The following SOX5 variants were observed in gnomAD, a reference collection of about 807,000 sequenced individuals.
SOX5 encodes the protein transcription factor SOX-5.
SOX5 carries 9 observed loss-of-function variants against 92.0 expected under a neutral mutation model. That is an observed-to-expected ratio of 0.10 (90% CI 0.06 to 0.17). SOX5 has a LOEUF of 0.17. SOX5 is among the 10% of genes least tolerant of loss of function. The probability of loss-of-function intolerance (pLI) is 1.00; values close to 1 mark genes in which losing one functional copy is unlikely to be tolerated. For missense variants in SOX5, 642 were observed against 944.5 expected (o/e 0.68, Z 4.20); for synonymous variants, 344 against 336.3 (o/e 1.02, Z -0.25).
rs114083434 is a variant in SOX5, at chr12:23,758,447, T to C, written c.482-2723A>G. On this transcript the variant is annotated intron_variant, in intron 3 of 14. Coordinates refer to ENST00000451604, the MANE Select transcript of SOX5 (RefSeq NM_006940.6). Reference sequence around the variant, plus strand: ...CTTATCAACAACAAAATGATAATAATAGCTACTATTTAGAGGGCTAAGGGC... The same window carrying C: ...CTTATCAACAACAAAATGATAATAACAGCTACTATTTAGAGGGCTAAGGGC... Among the ~76,000 whole-genome samples, 946 of 151,684 alleles carry C rather than the reference T, an allele frequency of 6.2e-3. 9 individuals carry two copies. The highest frequency in any genetic ancestry group is 0.021 in the African/African-American group (886 of 41,398).
At chr12:24,363,208 T>C (rs1955793223) in intron 2 of SOX5, among the ~76,000 whole-genome samples, 1 of 152,104 alleles carries the variant, frequency 6.6e-6, no homozygotes, top group Non-Finnish European at 1.5e-5. Context: ...CTTTTTCCCC[T>C]TTTCTCTCTC....
intron 3 of SOX5, among the ~76,000 whole-genome samples, chr12:23,843,345 T>C (rs2096539475): frequency 6.6e-6 from 1 of 152,152 alleles, no homozygotes; most frequent in South Asian, 2.1e-4. Flanking sequence ...AATGTATCAA[T>C]GTTGGTTCAT....
At chr12:24,300,701 T>C (rs966161667) in intron 2 of SOX5, among the ~76,000 whole-genome samples, 1 of 152,180 alleles carries the variant, frequency 6.6e-6, no homozygotes, top group Non-Finnish European at 1.5e-5. Context: ...CTTTGAGTCT[T>C]AAAAACAGTA....
intron 4 of SOX5, among the ~76,000 whole-genome samples, chr12:24,141,852 A>G (rs1418291939): frequency 6.6e-6 from 1 of 152,120 alleles, no homozygotes; most frequent in Non-Finnish European, 1.5e-5. Flanking sequence ...GGGTATGGAG[A>G]ATGTAAATGC....
chr12:23,669,666 T>C (rs565784254), intron 6 of SOX5, among the ~76,000 whole-genome samples: 1 of 150,858 alleles, frequency 6.6e-6, no homozygotes, highest in Admixed American at 6.6e-5. Flanking sequence ...AGAAAAGAAA[T>C]ATTTAAGAAA....
At chr12:23,719,012 A>G (rs2092665747) in intron 6 of SOX5, among the ~76,000 whole-genome samples, 1 of 152,212 alleles carries the variant, frequency 6.6e-6, no homozygotes, top group Non-Finnish European at 1.5e-5. Context: ...CAGAGTGGGT[A>G]AAGTTATAGC....
chr12:24,100,479 A>C (rs867459521), intron 4 of SOX5, among the ~76,000 whole-genome samples: 1 of 152,100 alleles, frequency 6.6e-6, no homozygotes, highest in African/African-American at 2.4e-5. Context: ...TTCCTCCTAC[A>C]TCACTGTTTC....
intron 2 of SOX5, among the ~76,000 whole-genome samples, chr12:24,314,222 G>A (rs189383275): frequency 7.9e-5 from 12 of 152,126 alleles, no homozygotes; most frequent in East Asian, 1.9e-4. Context: ...CAGTTCTTGC[G>A]ATAGTTTGCT....
At chr12:24,478,431 C>A (rs187636768) in intron 1 of SOX5, among the ~76,000 whole-genome samples, 1 of 152,288 alleles carries the variant, frequency 6.6e-6, no homozygotes, top group Non-Finnish European at 1.5e-5. Context: ...GCAATGTTTA[C>A]CTTAAATCCA....
chr12:23,935,535 C>T (rs1451493870), intron 1 of SOX5, among the ~76,000 whole-genome samples: 2 of 151,140 alleles, frequency 1.3e-5, no homozygotes, highest in African/African-American at 4.8e-5. Flanking sequence ...AGAAATACTA[C>T]ATAGTTACAC....
Position 24,454,787 on chromosome 12 carries a change from A to T in SOX5, c.-250-86148T>A, listed in dbSNP as rs113765305. Reference sequence around the variant, plus strand: ...TTTGAATTATGTTTATGGTAATAATAACTAATTTTTTTTCATGACATAGGT... The same window carrying T: ...TTTGAATTATGTTTATGGTAATAATTACTAATTTTTTTTCATGACATAGGT... On this transcript the variant is annotated intron_variant, in intron 1 of 4. Coordinates refer to the SOX5 transcript ENST00000446891. Among the ~76,000 whole-genome samples the T allele has an allele frequency of 4.0e-3, 607 of 151,840 alleles. 4 individuals carry two copies. Among genetic ancestry groups the T allele is most frequent in the Middle Eastern group, 0.017 (5 of 294 alleles).
chr12:24,203,734 A>C (rs921589673), intron 4 of SOX5, among the ~76,000 whole-genome samples: 12 of 152,194 alleles, frequency 7.9e-5, no homozygotes, highest in Non-Finnish European at 5.9e-5. Flanking sequence ...AAATATTCTG[A>C]TAAGAGTACA....
At chr12:23,926,655 A>G (rs557368533) in intron 1 of SOX5, among the ~76,000 whole-genome samples, 1 of 152,166 alleles carries the variant, frequency 6.6e-6, no homozygotes, top group South Asian at 2.1e-4. Flanking sequence ...TCTTTGTTTT[A>G]AAGAACTGAC....
chr12:24,348,314 A>G (rs1182930826), intron 2 of SOX5, among the ~76,000 whole-genome samples: 1 of 152,008 alleles, frequency 6.6e-6, no homozygotes, highest in East Asian at 1.9e-4. Context: ...GACCCCGCCT[A>G]CCTTGCTTCA....
intron 1 of SOX5, among the ~76,000 whole-genome samples, chr12:24,402,587 A>G (rs1437670109): frequency 6.6e-6 from 1 of 152,110 alleles, no homozygotes; most frequent in Non-Finnish European, 1.5e-5. Context: ...AAGCTTATAC[A>G]ATTTGGGGGC....
At chr12:23,694,591 T>C (rs2089479932) in intron 6 of SOX5, among the ~76,000 whole-genome samples, 1 of 152,132 alleles carries the variant, frequency 6.6e-6, no homozygotes, top group Non-Finnish European at 1.5e-5. Context: ...ATAAATACAA[T>C]AATGTAATTT....
intron 1 of SOX5, among the ~76,000 whole-genome samples, chr12:23,926,277 G>A (rs1939901254): frequency 6.6e-6 from 1 of 152,002 alleles, no homozygotes. Context: ...ATAAATTAGG[G>A]GTAAGCTACA....
chr12:23,953,749 A>C (rs187807806), upstream of SOX5, among the ~76,000 whole-genome samples: 5 of 152,188 alleles, frequency 3.3e-5, no homozygotes, highest in East Asian at 9.6e-4. Flanking sequence ...AATAAGTATG[A>C]TCTACAAGCA....
intron 3 of SOX5, among the ~76,000 whole-genome samples, chr12:23,770,729 A>G (rs2094905357): frequency 6.6e-6 from 1 of 152,182 alleles, no homozygotes; most frequent in African/African-American, 2.4e-5. Context: ...CAAGCTTGTT[A>G]AAGATTCCTT....
Sources: gnomAD v4.1 joint callset for allele counts (sites outside exome capture counted in the v4.1 genomes callset) on GRCh38, gnomAD v4.1.1 for gene constraint, MANE v1.5 for transcripts, NCBI Gene and HGNC (gene_info 2026-07-23, HGNC 2026-07-21) for gene names.